Variants in KIAA1217 observed in about 807,000 individuals in gnomAD.
The protein encoded by KIAA1217 is sickle tail protein homolog.
KIAA1217 carries 88 observed loss-of-function variants against 163.9 expected under a neutral mutation model. The ratio of observed to expected loss-of-function variants is 0.54; its 90% CI spans 0.45 to 0.64. KIAA1217 has a LOEUF of 0.64. KIAA1217 is among the 30% of genes least tolerant of loss of function. The probability of loss-of-function intolerance (pLI) is 0.00; values close to 1 mark genes in which losing one functional copy is unlikely to be tolerated. For synonymous variants in KIAA1217, 903 were observed against 923.1 expected (o/e 0.98, Z 0.39); for missense variants, 2,372 against 2,475.0 (o/e 0.96, Z 0.88).
intron 2 of KIAA1217, among the ~76,000 whole-genome samples, chr10:24,144,253 T>C (rs1238623090): frequency 6.6e-6 from 1 of 152,220 alleles, no homozygotes; most frequent in African/African-American, 2.4e-5. Context: ...TAAGACACAG[T>C]AGCAATTCGG....
At position 23,782,068 on chromosome 10, in the gene KIAA1217, A is replaced by T. The variant is rs536515843; in HGVS notation, c.-321+86834A>T. Among the ~76,000 whole-genome samples the T allele has an allele frequency of 1.1e-3, 153 of 142,560 alleles. 1 individual carries two copies. The South Asian group carries it at 0.024, about 22-fold the overall frequency. The allele number at this position is 142,560 out of a possible 152,430, so 93.5% of individuals were successfully genotyped here. A position where few individuals can be genotyped will look rare whatever the true frequency, so the allele number is the denominator to read the frequency against. ...GGGTTTTTGTAGTTCTATATGAATT[A>T]AAAAAAAAATTTTTTTTTCTATTTT... On this transcript the variant is annotated intron_variant, in intron 1 of 18. Transcript: ENST00000376462.
At chr10:23,765,715 C>G (rs190098176) in intron 1 of KIAA1217, among the ~76,000 whole-genome samples, 1 of 152,260 alleles carries the variant, frequency 6.6e-6, no homozygotes, top group East Asian at 1.9e-4. Flanking sequence ...CAGCGCTCTC[C>G]TGCTGTCATG....
intron 2 of KIAA1217, among the ~76,000 whole-genome samples, chr10:24,063,196 A>G (rs1348323774): frequency 1.3e-5 from 2 of 152,136 alleles, no homozygotes; most frequent in Non-Finnish European, 2.9e-5. Context: ...TTGGTGTTTT[A>G]GACATGAAGT....
chr10:23,799,992 T>C (rs1464371469), intron 1 of KIAA1217, among the ~76,000 whole-genome samples: 3 of 152,192 alleles, frequency 2.0e-5, no homozygotes, highest in Non-Finnish European at 4.4e-5. Context: ...GCCTGTATAA[T>C]ATTTTTCTGG....
At chr10:24,014,799 G>A (rs1847400256) in intron 2 of KIAA1217, among the ~76,000 whole-genome samples, 1 of 152,066 alleles carries the variant, frequency 6.6e-6, no homozygotes, top group Admixed American at 6.6e-5. Context: ...CTAGGAGTTT[G>A]AAAATCATTT....
intron 2 of KIAA1217, among the ~76,000 whole-genome samples, chr10:24,139,184 GA>G (rs1249122195): frequency 2.0e-5 from 3 of 151,974 alleles, no homozygotes; most frequent in Admixed American, 1.3e-4. Context: ...AATTCCTTTA[GA>G]GATTTAATAT....
intron 1 of KIAA1217, among the ~76,000 whole-genome samples, chr10:23,904,985 A>G (rs1159071712): frequency 6.8e-6 from 1 of 146,502 alleles, no homozygotes. Context: ...CACCATCATG[A>G]TGGAGTCGAT....
At chr10:24,401,898 A>G (rs1247911576) in intron 3 of KIAA1217, among the ~76,000 whole-genome samples, 1 of 152,258 alleles carries the variant, frequency 6.6e-6, no homozygotes, top group Non-Finnish European at 1.5e-5. Context: ...GCATTTCTAT[A>G]TACTAAGAAT....
intron 1 of KIAA1217, chr10:23,877,504 GACA>G (rs1840750701): frequency 6.6e-6 from 1 of 151,966 alleles, no homozygotes; most frequent in Non-Finnish European, 1.5e-5. Context: ...GGGTGAGTGA[GACA>G]ACGTCATAAT....
At chr10:24,212,171 C>G (rs2068225081) in intron 1 of KIAA1217, among the ~76,000 whole-genome samples, 2 of 151,890 alleles carry the variant, frequency 1.3e-5, no homozygotes, top group South Asian at 4.2e-4. Flanking sequence ...AAAGCAATTG[C>G]TAAAGGATTC....
chr10:24,368,903 C>T (rs1410232694), intron 2 of KIAA1217: 6 of 962,938 alleles, frequency 6.2e-6, no homozygotes, highest in Non-Finnish European at 7.4e-6. Flanking sequence ...TCCCATGCAA[C>T]ATTTTTCCAA....
intron 1 of KIAA1217, among the ~76,000 whole-genome samples, chr10:23,778,782 G>A (rs1023000616): frequency 6.6e-6 from 1 of 152,166 alleles, no homozygotes; most frequent in Non-Finnish European, 1.5e-5. Flanking sequence ...CTTCTGGATT[G>A]TTCATTGGCA....
rs760428198 is a variant in KIAA1217 at position 24,520,178 on chromosome 10, T to C, written c.2233T>C (p.Leu745=). 24 of 1,613,946 alleles carry C rather than the reference T, an allele frequency of 1.5e-5. No individual in the cohort carries two copies. Among genetic ancestry groups the C allele is most frequent in the African/African-American group, 2.7e-5 (2 of 74,896 alleles). The change falls in exon 11 of 21, where the codon TTG becomes CTG. Residue 745 remains leucine (L), a synonymous_variant. Transcript: ENST00000376454. Reference sequence around the variant, plus strand: ...GAAGGACTCCACGGCAGCCAGCCGATTGGTTACTCTGAAAGACGTGGAAGA... The same window carrying C: ...GAAGGACTCCACGGCAGCCAGCCGACTGGTTACTCTGAAAGACGTGGAAGA... ...LKKDSTAASR[L]VTLKDVEDGA...
chr10:23,860,610 A>G (rs1188712640), intron 1 of KIAA1217, among the ~76,000 whole-genome samples: 1 of 152,204 alleles, frequency 6.6e-6, no homozygotes, highest in Non-Finnish European at 1.5e-5. Context: ...CAATTCAGAT[A>G]TGCAGTTTTA....
intron 2 of KIAA1217, among the ~76,000 whole-genome samples, chr10:24,146,717 G>A (rs2064333158): frequency 6.6e-6 from 1 of 152,008 alleles, no homozygotes; most frequent in African/African-American, 2.4e-5. Flanking sequence ...AAATGTCCAA[G>A]GAGAATGCAA....
chr10:24,250,336 C>G (rs1250704274), intron 2 of KIAA1217, among the ~76,000 whole-genome samples: 1 of 152,086 alleles, frequency 6.6e-6, no homozygotes, highest in South Asian at 2.1e-4. Context: ...TTGCTGCCCA[C>G]GCATTTTGCA....
At chr10:24,400,867 T>C (rs975432942) in intron 3 of KIAA1217, among the ~76,000 whole-genome samples, 2 of 151,116 alleles carry the variant, frequency 1.3e-5, no homozygotes, top group East Asian at 1.9e-4. Flanking sequence ...GGAAAGACAA[T>C]AGTGGATGAG....
chr10:23,704,170 G>GTATATATATATATATA (rs1314137167), intron 1 of KIAA1217, among the ~76,000 whole-genome samples: 1 of 54,118 alleles, frequency 1.8e-5, no homozygotes, highest in African/African-American at 1.4e-4. Context: ...GTGTGTGTGT[G>GTATATATATATATATA]TGTATATATA....
chr10:24,283,182 A>G (rs2078153311), intron 2 of KIAA1217, among the ~76,000 whole-genome samples: 1 of 152,114 alleles, frequency 6.6e-6, no homozygotes, highest in Admixed American at 6.6e-5. Context: ...AAAGAAATAT[A>G]TGTGTGGATA....
Sources: allele counts gnomAD v4.1 joint callset (sites outside exome capture counted in the v4.1 genomes callset), GRCh38; gene constraint gnomAD v4.1.1; transcripts MANE v1.5; gene names NCBI Gene and HGNC (gene_info 2026-07-23, HGNC 2026-07-21).